The following DDX1 variants were observed in gnomAD, a reference collection of about 807,000 sequenced individuals.
The protein encoded by DDX1 is DEAD-box helicase 1.
DDX1 carries 28 observed loss-of-function variants against 108.7 expected under a neutral mutation model. The ratio of observed to expected loss-of-function variants is 0.26; its 90% CI spans 0.19 to 0.35. DDX1 has a LOEUF of 0.35. Among genes scored for constraint, DDX1 ranks in the 10% least tolerant of loss-of-function variants. DDX1 has a pLI of 1.00. For missense variants in DDX1, 710 were observed against 884.5 expected (o/e 0.80, Z 2.50); for synonymous variants, 295 against 288.9 (o/e 1.02, Z -0.21).
In DDX1 at chr2:15,603,181, T is replaced by A. The variant is rs1362584697; in HGVS notation, c.392-11T>A. 45 of 1,577,464 alleles carry A rather than the reference T, an allele frequency of 2.9e-5. No individual in the cohort carries two copies. The East Asian group carries it at 1.0e-3, about 35-fold the overall frequency. ...GATTTATATAAATCTCAATGTATTT[T>A]ACCCTTGTAGGGAAACACTACTATG... is the stretch of plus-strand genomic sequence containing the variant. On this transcript the variant is annotated splice_polypyrimidine_tract_variant and intron_variant, in intron 7 of 25. Coordinates refer to ENST00000233084, the MANE Select transcript of DDX1 (RefSeq NM_004939.3).
rs1468988945 is a variant in DDX1, at chr2:15,630,782, G to A, written c.2099G>A (p.Ser700Asn). Reference sequence around the variant, plus strand: ...TTATTTGTGTGTGATGCAGGTGGAAGCTATAAAGGCCATGTGGATATTTTG... The same window carrying A: ...TTATTTGTGTGTGATGCAGGTGGAAACTATAAAGGCCATGTGGATATTTTG... ...YGQKRAAGGG[S>N]YKGHVDILAP... The change falls in exon 26 of 26, where the codon AGC becomes AAC. Residue 700 changes from serine to asparagine, a missense_variant. By Grantham distance (46) the Ser-to-Asn change is conservative (BLOSUM62 1). This residue lies in a region of DDX1 where 661 missense variants were observed against 810.2 expected (regional missense o/e 0.82). Transcript: ENST00000233084. 2.5e-6 allele frequency: 4 copies of A among 1,612,562 alleles called. No homozygotes were observed. Among genetic ancestry groups the A allele is most frequent in the Non-Finnish European group, 2.5e-6 (3 of 1,178,890 alleles).
chr2:15,614,284 G>A (rs560331448), intron 14 of DDX1, among the ~76,000 whole-genome samples: 106 of 152,248 alleles, frequency 7.0e-4, no homozygotes, highest in African/African-American at 2.5e-3. Context: ...GTCATGACAA[G>A]CAATTGTGTC....
intron 20 of DDX1, among the ~76,000 whole-genome samples, chr2:15,628,052 G>A (rs1020358133): frequency 2.0e-5 from 3 of 151,952 alleles, no homozygotes; most frequent in African/African-American, 4.8e-5. Flanking sequence ...GTAGCCTCCA[G>A]GTAAAATATC....
intron 18 of DDX1, among the ~76,000 whole-genome samples, chr2:15,622,992 G>C (rs1344889707): frequency 6.6e-6 from 1 of 152,144 alleles, no homozygotes; most frequent in Admixed American, 6.5e-5. Flanking sequence ...CTGGTATTTA[G>C]ATTGATTTAG....
intron 13 of DDX1, among the ~76,000 whole-genome samples, chr2:15,611,274 A>G (rs1288770567): frequency 1.3e-5 from 2 of 151,590 alleles, no homozygotes; most frequent in Non-Finnish European, 2.9e-5. Flanking sequence ...AAAGTCTCCC[A>G]TGTCTACCTC....
intron 13 of DDX1, among the ~76,000 whole-genome samples, chr2:15,608,338 G>A (rs1665699659): frequency 6.6e-6 from 1 of 152,084 alleles, no homozygotes; most frequent in South Asian, 2.1e-4. Flanking sequence ...GACCAGCCCA[G>A]CCAACACGGT....
At chr2:15,594,744 C>T (rs1178356715) in intron 1 of DDX1, among the ~76,000 whole-genome samples, 1 of 152,206 alleles carries the variant, frequency 6.6e-6, no homozygotes, top group Admixed American at 6.5e-5. Context: ...CTAAATGCAA[C>T]AACCCTGTCT....
chr2:15,614,067 C>T (rs1411222409), intron 14 of DDX1, among the ~76,000 whole-genome samples: 3 of 152,182 alleles, frequency 2.0e-5, no homozygotes, highest in South Asian at 4.2e-4. Flanking sequence ...GTGATCCACC[C>T]GCCCTGGCCT....
In DDX1 at chr2:15,628,470, G is replaced by C; in HGVS notation, c.1712G>C (p.Cys571Ser). Reference sequence around the variant, plus strand: ...AAAGGAGATGTAAGATTCTTGATTTGCACAGATGTAGCTGCTAGAGGAATT... The same window carrying C: ...AAAGGAGATGTAAGATTCTTGATTTCCACAGATGTAGCTGCTAGAGGAATT... ...FKKGDVRFLI[C>S]TDVAARGIDI... is the part of the protein sequence containing the mutation. The change falls in exon 21 of 26, where the codon TGC becomes TCC. Residue 571 changes from cysteine (C) to serine (S), a missense_variant. Cys to Ser is a moderately radical substitution (Grantham distance 112). Transcript: ENST00000233084. 6.2e-7 allele frequency: 1 copy of C among 1,613,224 alleles called. No homozygotes were observed.
chr2:15,608,876 G>A (rs1265062935), intron 13 of DDX1, among the ~76,000 whole-genome samples: 1 of 151,980 alleles, frequency 6.6e-6, no homozygotes, highest in Non-Finnish European at 1.5e-5. Context: ...CTTATTTACA[G>A]GTTGAACAAA....
intron 6 of DDX1, among the ~76,000 whole-genome samples, chr2:15,600,749 T>C (rs1366499880): frequency 2.3e-5 from 3 of 131,420 alleles, no homozygotes; most frequent in African/African-American, 8.4e-5. Flanking sequence ...TCTTTTTTTT[T>C]TTTTTTTTTT....
chr2:15,605,150 G>A (rs1335824244), intron 10 of DDX1, among the ~76,000 whole-genome samples: 1 of 152,286 alleles, frequency 6.6e-6, no homozygotes, highest in East Asian at 1.9e-4. Context: ...GAGCAGAGGG[G>A]TGGCATCATC....
At chr2:15,594,686 A>G (rs1330636528) in intron 1 of DDX1, among the ~76,000 whole-genome samples, 1 of 152,188 alleles carries the variant, frequency 6.6e-6, no homozygotes, top group Non-Finnish European at 1.5e-5. Context: ...TGCTGAGGGT[A>G]TTCACATGGT....
rs541052189 is a variant in DDX1, at chr2:15,618,514, C to T, written c.1206+244C>T. On this transcript the variant is annotated intron_variant, in intron 16 of 25. Transcript: ENST00000233084. ...GAGTGGTGAGGCGTGTATGAGCGAA[C>T]GTGGGGTCTGGCCATGGCACACAGC... 3.9e-5 allele frequency among the ~76,000 whole-genome samples: 6 copies of T among 152,302 alleles called. No individual in the cohort carries two copies. The South Asian group carries it at 6.2e-4, about 16-fold the overall frequency.
chr2:15,620,098 C>G (rs1388640526), intron 16 of DDX1, 110 bp from the exon 17 acceptor site: 1 of 1,007,874 alleles, frequency 9.9e-7, no homozygotes, highest in Non-Finnish European at 1.5e-6. Flanking sequence ...AGGTGTTGAA[C>G]TTATCTTTGG....
chr2:15,616,406 C>G lies in DDX1; in HGVS notation c.1018-838C>G, dbSNP rs1573046809. 2.0e-5 allele frequency among the ~76,000 whole-genome samples: 3 copies of G among 147,442 alleles called. No individual in the cohort carries two copies. The Middle Eastern group carries it at 0.01, about 508-fold the overall frequency. ...GTAACTTACCTAAGATCATACAACT[C>G]ATAGGTAGAACTTTACTCTGAAACC... On this transcript the variant is annotated intron_variant, in intron 14 of 25. Coordinates refer to ENST00000233084, the MANE Select transcript of DDX1 (RefSeq NM_004939.3).
chr2:15,615,475 G>T (rs1665878298), intron 14 of DDX1, among the ~76,000 whole-genome samples: 1 of 152,146 alleles, frequency 6.6e-6, no homozygotes, highest in African/African-American at 2.4e-5. Flanking sequence ...CTCAGTGTTT[G>T]GCACATAGTA....
intron 3 of DDX1, among the ~76,000 whole-genome samples, chr2:15,596,376 G>A (rs1042546548): frequency 1.3e-5 from 2 of 152,180 alleles, no homozygotes; most frequent in Non-Finnish European, 2.9e-5. Flanking sequence ...TTTCTCAAGT[G>A]TCTTGTTAAA....
At chr2:15,606,115 T>G in intron 11 of DDX1, 35 bp from the exon 12 acceptor site, 2 of 1,586,582 alleles carry the variant, frequency 1.3e-6, no homozygotes, top group Non-Finnish European at 1.7e-6. Context: ...TCAATTAGGG[T>G]AGGAATTTTA....
Sources: gnomAD v4.1 joint callset for allele counts (sites outside exome capture counted in the v4.1 genomes callset) on GRCh38, gnomAD v4.1.1 for gene constraint, gnomAD v4.1.1 regional missense constraint, MANE v1.5 for transcripts, NCBI Gene and HGNC (gene_info 2026-07-23, HGNC 2026-07-21) for gene names.